ZMYM2: variants seen among roughly 807,000 people sequenced by gnomAD.
The protein encoded by ZMYM2 is zinc finger MYM-type protein 2.
Under a neutral mutation model 162.8 loss-of-function variants are expected in ZMYM2, and 56 were observed. The observed-to-expected ratio is 0.34, with a 90% CI of 0.28 to 0.43. ZMYM2 has a LOEUF of 0.43. Ranked by LOEUF, ZMYM2 falls within the 20% of genes least tolerant of loss-of-function variation. The pLI, the probability that ZMYM2 is intolerant of heterozygous loss-of-function variation, is 1.00. For synonymous variants in ZMYM2, 510 were observed against 541.6 expected, an observed-to-expected ratio of 0.94 and a Z score of 0.81; for missense variants, 1,275 against 1,621.8, an observed-to-expected ratio of 0.79 and a Z score of 3.67.
chr13:19,885,921 A>ATGTGTG, the ZMYM2 span, among the ~76,000 whole-genome samples: 8 of 45,868 alleles, frequency 1.7e-4, 2 homozygotes, highest in East Asian at 2.8e-3. Flanking sequence ...ATATACACAT[A>ATGTGTG]TATATGTGTA....
chr13:19,970,999 T>C (rs1956265310), intron 2 of ZMYM2, among the ~76,000 whole-genome samples: 1 of 151,946 alleles, frequency 6.6e-6, no homozygotes, highest in Non-Finnish European at 1.5e-5. Context: ...ATGAGGAGCT[T>C]GAACTCTTCC....
chr13:19,864,477 G>A, the ZMYM2 span: 1 of 154,908 alleles, frequency 6.5e-6, no homozygotes, highest in African/African-American at 2.4e-5. Context: ...GGCAGTACTG[G>A]TCGGGCGCGA....
chr13:19,908,207 GA>G, the ZMYM2 span, among the ~76,000 whole-genome samples: 1 of 152,024 alleles, frequency 6.6e-6, no homozygotes, highest in Non-Finnish European at 1.5e-5. Flanking sequence ...AGAATCTCTT[GA>G]ACCCAGGAAG....
chr13:19,932,790 C>A, the ZMYM2 span, among the ~76,000 whole-genome samples: 1 of 152,162 alleles, frequency 6.6e-6, no homozygotes, highest in Non-Finnish European at 1.5e-5. Flanking sequence ...GGCACCGTAT[C>A]TTGACTTTAT....
At chr13:19,885,588 C>G in the ZMYM2 span, among the ~76,000 whole-genome samples, 1 of 151,928 alleles carries the variant, frequency 6.6e-6, no homozygotes, top group South Asian at 2.1e-4. Context: ...GCCTATAATC[C>G]CAGCACTTTG....
the ZMYM2 span, among the ~76,000 whole-genome samples, chr13:19,949,400 C>G: frequency 2.0e-5 from 3 of 151,984 alleles, no homozygotes; most frequent in East Asian, 5.8e-4. Flanking sequence ...GGCTACAGAG[C>G]GAGACTCTGT....
At chr13:19,913,719 A>C in the ZMYM2 span, among the ~76,000 whole-genome samples, 6 of 152,214 alleles carry the variant, frequency 3.9e-5, no homozygotes, top group Non-Finnish European at 8.8e-5. Flanking sequence ...CAACAGAATA[A>C]GACTCTGTCT....
chr13:20,015,534 T>C (rs1220920409), intron 6 of ZMYM2, among the ~76,000 whole-genome samples: 4 of 152,230 alleles, frequency 2.6e-5, no homozygotes, highest in Non-Finnish European at 5.9e-5. Flanking sequence ...AGATGGTTTG[T>C]CCACTATTGT....
At chr13:19,915,358 G>A in the ZMYM2 span, among the ~76,000 whole-genome samples, 4 of 152,090 alleles carry the variant, frequency 2.6e-5, no homozygotes, top group African/African-American at 9.7e-5. Context: ...GCCTCCCAAA[G>A]TGCTAGAATG....
At chr13:19,906,412 G>T in the ZMYM2 span, among the ~76,000 whole-genome samples, 4 of 142,062 alleles carry the variant, frequency 2.8e-5, no homozygotes, top group Non-Finnish European at 6.0e-5. Flanking sequence ...TATATATGCC[G>T]TTTGCTAGCT....
chr13:19,919,301 C>G, the ZMYM2 span, among the ~76,000 whole-genome samples: 1 of 152,132 alleles, frequency 6.6e-6, no homozygotes, highest in African/African-American at 2.4e-5. Context: ...AAAGATATTA[C>G]AATGGACCAC....
the ZMYM2 span, among the ~76,000 whole-genome samples, chr13:19,880,310 T>C: frequency 6.6e-6 from 1 of 152,260 alleles, no homozygotes; most frequent in Non-Finnish European, 1.5e-5. Context: ...ACGGAATGTC[T>C]TTCCATTCGT....
At chr13:19,882,191 T>TA in the ZMYM2 span, among the ~76,000 whole-genome samples, 1 of 152,038 alleles carries the variant, frequency 6.6e-6, no homozygotes, top group South Asian at 2.1e-4. Flanking sequence ...TCATCAATAT[T>TA]AAAAACTTTT....
chr13:20,075,877 G>T (rs778737270), intron 21 of ZMYM2, among the ~76,000 whole-genome samples: 1 of 150,856 alleles, frequency 6.6e-6, no homozygotes, highest in Non-Finnish European at 1.5e-5. Context: ...CCCCCATCCC[G>T]TAGAGACGAG....
chr13:20,063,899 T>C (rs993428932), intron 18 of ZMYM2, among the ~76,000 whole-genome samples: 18 of 11,752 alleles, frequency 1.5e-3, no homozygotes, highest in African/African-American at 2.3e-3. Flanking sequence ...ATAAATATAA[T>C]TTTATATATA....
chr13:19,910,256 T>G, the ZMYM2 span, among the ~76,000 whole-genome samples: 1 of 151,970 alleles, frequency 6.6e-6, no homozygotes, highest in East Asian at 1.9e-4. Flanking sequence ...TAGGCCAAAT[T>G]TATTGTTATG....
the ZMYM2 span, among the ~76,000 whole-genome samples, chr13:19,885,141 G>C: frequency 6.6e-6 from 1 of 152,198 alleles, no homozygotes. Context: ...TCACCTGTCA[G>C]TGTGTATCTG....
chr13:19,878,809 AG>A, the ZMYM2 span, among the ~76,000 whole-genome samples: 4 of 152,174 alleles, frequency 2.6e-5, no homozygotes, highest in African/African-American at 9.7e-5. Flanking sequence ...CACTGTGCCC[AG>A]CCCTTTGCCC....
intron 19 of ZMYM2, among the ~76,000 whole-genome samples, chr13:20,064,888 A>T (rs767952781): frequency 5.9e-5 from 9 of 151,978 alleles, no homozygotes; most frequent in Non-Finnish European, 1.2e-4. Context: ...CAAGGTCAAA[A>T]TAGAAAACAG....
Sources: gnomAD v4.1 joint callset for allele counts (sites outside exome capture counted in the v4.1 genomes callset) on GRCh38, gnomAD v4.1.1 for gene constraint, MANE v1.5 for transcripts, NCBI Gene and HGNC (gene_info 2026-07-23, HGNC 2026-07-21) for gene names.